The following DMXL1 variants were observed in gnomAD, a reference collection of about 807,000 sequenced individuals.
DMXL1 encodes dmX-like protein 1.
Under a neutral mutation model 319.2 loss-of-function variants are expected in DMXL1, and 99 were observed. The observed-to-expected ratio is 0.31, with a 90% CI of 0.26 to 0.37. DMXL1 has a LOEUF of 0.37. Among genes scored for constraint, DMXL1 ranks in the 10% least tolerant of loss-of-function variants. The probability of loss-of-function intolerance (pLI) is 1.00; values close to 1 mark genes in which losing one functional copy is unlikely to be tolerated. For synonymous variants in DMXL1, 1,385 were observed against 1,235.2 expected (o/e 1.12, Z -2.54); for missense variants, 3,745 against 3,595.6 (o/e 1.04, Z -1.06).
In DMXL1 at chr5:119,143,926, A is replaced by G. The variant is rs529665113; in HGVS notation, c.2462A>G (p.Lys821Arg). The G allele has an allele frequency of 1.3e-6, 2 of 1,564,012 alleles. No individual in the cohort carries two copies. Among genetic ancestry groups the G allele is most frequent in the Non-Finnish European group, 1.7e-6 (2 of 1,155,830 alleles). The change falls in exon 14 of 44, where the codon AAA (lysine) becomes AGA (arginine). Residue 821 changes from lysine (K) to arginine (R), a missense_variant. By Grantham distance (26) the Lys-to-Arg change is conservative. Around this residue, in one of 4 missense-constraint regions of DMXL1, gnomAD observed 2,096 missense variants for 1,985.4 expected, o/e 1.06. Coordinates refer to ENST00000539542, the MANE Select transcript of DMXL1 (RefSeq NM_001290321.3). ...GCIIALDPIT[K>R]LHGRKTQLLH... ...ATTATTGCATTAGATCCCATTACCA[A>G]ACTTGTAAGTATTAATTTTGGGGGG...
At chr5:119,161,562 G>T (rs796823462) in intron 19 of DMXL1, among the ~76,000 whole-genome samples, 2 of 152,364 alleles carry the variant, frequency 1.3e-5, no homozygotes, top group African/African-American at 4.8e-5. Context: ...GGCCTCCCAG[G>T]TTGGGCAGGC....
At chr5:119,235,141 A>G (rs1787506911) in intron 39 of DMXL1, among the ~76,000 whole-genome samples, 1 of 152,174 alleles carries the variant, frequency 6.6e-6, no homozygotes, top group African/African-American at 2.4e-5. Context: ...GTATCACAGT[A>G]ATTCTGATGA....
At chr5:119,140,791 G>GAC (rs756798939) in intron 13 of DMXL1, among the ~76,000 whole-genome samples, 3 of 151,884 alleles carry the variant, frequency 2.0e-5, no homozygotes, top group South Asian at 2.1e-4. Context: ...AAACCTGGCA[G>GAC]ACACACACAC....
intron 1 of DMXL1, chr5:119,081,740 TTGAGAC>T: frequency 1.0e-6 from 1 of 984,762 alleles, no homozygotes; most frequent in Non-Finnish European, 1.2e-6. Flanking sequence ...TGGGGACAAA[TTGAGAC>T]TGTGCATGGA....
intron 8 of DMXL1, among the ~76,000 whole-genome samples, chr5:119,119,488 C>G (rs1281217853): frequency 6.6e-6 from 1 of 151,276 alleles, no homozygotes; most frequent in Non-Finnish European, 1.5e-5. Flanking sequence ...TGATCGTAGC[C>G]TAAAGGCTGA....
intron 14 of DMXL1, 125 bp downstream of exon 14, chr5:119,144,055 C>G: frequency 1.7e-6 from 1 of 600,056 alleles, no homozygotes; most frequent in Non-Finnish European, 2.9e-6. Context: ...CAGTAATTAA[C>G]TCATCACATA....
intron 34 of DMXL1, among the ~76,000 whole-genome samples, chr5:119,208,769 A>T (rs1330354122): frequency 6.6e-6 from 1 of 152,190 alleles, no homozygotes; most frequent in Non-Finnish European, 1.5e-5. Flanking sequence ...CAATTTTGGC[A>T]TGTATATACA....
intron 19 of DMXL1, chr5:119,154,570 C>G (rs903762110): frequency 6.2e-6 from 1 of 160,808 alleles, no homozygotes; most frequent in Non-Finnish European, 1.4e-5. Context: ...AAGTTTGAAG[C>G]TAGCAGAGGT....
chr5:119,211,650 G>C (rs1282566243), intron 34 of DMXL1, among the ~76,000 whole-genome samples: 1 of 152,176 alleles, frequency 6.6e-6, no homozygotes, highest in African/African-American at 2.4e-5. Context: ...ATGTTCACCT[G>C]ATTGCTTCCT....
Position 119,172,388 on chromosome 5 carries a change from A to C in DMXL1, c.6681+419A>C, listed in dbSNP as rs80014307. On this transcript the variant is annotated intron_variant, in intron 25 of 43. Coordinates refer to ENST00000539542, the MANE Select transcript of DMXL1 (RefSeq NM_001290321.3). Reference sequence around the variant, plus strand: ...CCACATTTTAAGGATAATGTGAACTATTTGCCCCTGTCATCCTTCTAGGAT... The same window carrying C: ...CCACATTTTAAGGATAATGTGAACTCTTTGCCCCTGTCATCCTTCTAGGAT... 2.9e-3 allele frequency among the ~76,000 whole-genome samples: 439 copies of C among 152,298 alleles called. 1 individual carries two copies. The highest frequency in any genetic ancestry group is 4.2e-3 in the Non-Finnish European group (286 of 68,016).
chr5:119,147,388 G>A lies in DMXL1; in HGVS notation c.2829G>A (p.Leu943=). ...CRANLQSTSR[L]TLFSEMVYSQ... ...CAAATCTCCAGAGTACCAGCAGGTT[G>A]ACTCTGTTTTCAGAAATGGTTTATA... is the stretch of plus-strand genomic sequence containing the variant. The change falls in exon 17 of 44, where the codon TTG becomes TTA. Residue 943 remains leucine (L), a synonymous_variant. Coordinates refer to ENST00000539542, the MANE Select transcript of DMXL1 (RefSeq NM_001290321.3). The A allele has an allele frequency of 2.5e-6, 4 of 1,613,494 alleles. No homozygotes were observed. The highest frequency in any genetic ancestry group is 3.4e-6 in the Non-Finnish European group (4 of 1,179,660).
chr5:119,095,346 C>G (rs757844778), intron 1 of DMXL1, among the ~76,000 whole-genome samples: 18 of 152,104 alleles, frequency 1.2e-4, no homozygotes, highest in Non-Finnish European at 2.5e-4. Flanking sequence ...TGGTATTTTC[C>G]TCTGTATAGT....
At chr5:119,106,475 A>G (rs1419580664) in intron 4 of DMXL1, among the ~76,000 whole-genome samples, 1 of 152,196 alleles carries the variant, frequency 6.6e-6, no homozygotes, top group African/African-American at 2.4e-5. Context: ...AGCATAAGAT[A>G]CATTATAATA....
At chr5:119,178,936 A>T (rs1168346261) in intron 28 of DMXL1, among the ~76,000 whole-genome samples, 1 of 152,186 alleles carries the variant, frequency 6.6e-6, no homozygotes, top group Non-Finnish European at 1.5e-5. Context: ...TTAACATTTT[A>T]AAGTGTGTAA....
At chr5:119,179,793 A>G (rs1287664183) in intron 28 of DMXL1, among the ~76,000 whole-genome samples, 3 of 152,124 alleles carry the variant, frequency 2.0e-5, no homozygotes, top group Admixed American at 2.0e-4. Flanking sequence ...TAGGACTCTC[A>G]TACTTTCTAG....
In DMXL1 at chr5:119,084,120, C is replaced by G. The variant is rs143778417; in HGVS notation, c.87+12464C>G. 3.3e-3 allele frequency among the ~76,000 whole-genome samples: 494 copies of G among 151,810 alleles called. 4 individuals carry two copies. Among genetic ancestry groups the G allele is most frequent in the African/African-American group, 0.011 (445 of 41,404 alleles). ...GAAATGTCTGTTCATGTATTCCCCC[C>G]CTCACCCCTTTTTTTTTTAAGACGG... On this transcript the variant is annotated intron_variant, in intron 1 of 43. Coordinates refer to ENST00000539542, the MANE Select transcript of DMXL1 (RefSeq NM_001290321.3).
intron 14 of DMXL1, 107 bp downstream of exon 14, chr5:119,144,037 G>A (rs1767991806): frequency 1.7e-5 from 11 of 663,056 alleles, no homozygotes; most frequent in Non-Finnish European, 2.3e-5. Flanking sequence ...TATATTTACA[G>A]GTAGATTCAG....
At chr5:119,109,581 A>G (rs757476485) in intron 4 of DMXL1, among the ~76,000 whole-genome samples, 1 of 152,228 alleles carries the variant, frequency 6.6e-6, no homozygotes, top group East Asian at 1.9e-4. Context: ...TCGTTAACCT[A>G]TACCAGATTA....
chr5:119,116,553 A>T (rs1258594913), intron 7 of DMXL1, among the ~76,000 whole-genome samples: 1 of 152,216 alleles, frequency 6.6e-6, no homozygotes, highest in Non-Finnish European at 1.5e-5. Flanking sequence ...TTAAGCTGGG[A>T]TAGTTTACTC....
Sources: gnomAD v4.1 joint callset for allele counts (sites outside exome capture counted in the v4.1 genomes callset) on GRCh38, gnomAD v4.1.1 for gene constraint, gnomAD v4.1.1 regional missense constraint, MANE v1.5 for transcripts, NCBI Gene and HGNC (gene_info 2026-07-23, HGNC 2026-07-21) for gene names.